Variants in TNFRSF11A observed in about 807,000 individuals in gnomAD.
The protein encoded by TNFRSF11A is tumor necrosis factor receptor superfamily member 11A.
In TNFRSF11A, 32 loss-of-function variants were observed where a neutral mutation model predicts 55.7. The observed-to-expected ratio is 0.57, with a 90% CI of 0.43 to 0.77. The LOEUF (loss-of-function observed/expected upper bound fraction) is 0.77. Among genes scored for constraint, TNFRSF11A ranks in the 30% least tolerant of loss-of-function variants. TNFRSF11A has a pLI of 0.00. For synonymous variants in TNFRSF11A, 311 were observed against 331.0 expected (o/e 0.94, Z 0.65); for missense variants, 753 against 809.8 (o/e 0.93, Z 0.85).
At chr18:62,366,041 C>T (rs1910063706) in intron 7 of TNFRSF11A, among the ~76,000 whole-genome samples, 2 of 152,182 alleles carry the variant, frequency 1.3e-5, no homozygotes, top group Non-Finnish European at 1.5e-5. Flanking sequence ...TAGTCATGAA[C>T]TCCTGACCTC....
In TNFRSF11A at chr18:62,379,951, C is replaced by G. The variant is rs554665502; in HGVS notation, c.1568-4800C>G. The stretch of plus-strand genomic sequence containing the variant: ...TGTCCAACTTATAAGATGTCACTTC[C>G]GAAAACGGTAGTGCTAGATTAGAGC... On this transcript the variant is annotated intron_variant, in intron 9 of 9. Coordinates refer to ENST00000586569, the MANE Select transcript of TNFRSF11A (RefSeq NM_003839.4). Among the ~76,000 whole-genome samples the G allele has an allele frequency of 2.6e-5, 4 of 152,166 alleles. No individual in the cohort carries two copies. In the South Asian group the frequency reaches 6.2e-4, roughly 24 times the overall value.
chr18:62,327,897 A>G (rs1011846244), intron 1 of TNFRSF11A, among the ~76,000 whole-genome samples: 1 of 152,248 alleles, frequency 6.6e-6, no homozygotes, highest in African/African-American at 2.4e-5. Context: ...CTATTTGCCT[A>G]CAGATAAAAA....
At chr18:62,375,133 C>T (rs1352904942) in intron 9 of TNFRSF11A, among the ~76,000 whole-genome samples, 1 of 150,178 alleles carries the variant, frequency 6.7e-6, no homozygotes, top group East Asian at 1.9e-4. Context: ...CCAGGCTAGT[C>T]TCGAACTCCT....
intron 9 of TNFRSF11A, among the ~76,000 whole-genome samples, chr18:62,382,475 A>G (rs1382410093): frequency 1.3e-5 from 2 of 152,196 alleles, no homozygotes; most frequent in Non-Finnish European, 2.9e-5. Flanking sequence ...TCAATGTGAA[A>G]TGAGAAATTA....
rs1222902070 is a variant in TNFRSF11A, at chr18:62,389,084, A to C, written c.*4050A>C. The C allele has an allele frequency of 6.6e-6, 1 of 152,326 alleles. No individual in the cohort carries two copies. The highest frequency in any genetic ancestry group is 1.5e-5 in the Non-Finnish European group (1 of 68,106). 9.4% of individuals were successfully genotyped at this position (152,326 alleles called of 1,614,324 possible). A position where few individuals can be genotyped will look rare whatever the true frequency, so the allele number is the denominator to read the frequency against. ...TTTTGGAAGAGGAGACAAAGCATTC[A>C]AAGCCCTAAACACTCTGTTGGTGAA... On this transcript the variant is annotated 3_prime_UTR_variant, in exon 10 of 10. Coordinates refer to ENST00000586569, the MANE Select transcript of TNFRSF11A (RefSeq NM_003839.4).
At position 62,359,954 on chromosome 18, in the gene TNFRSF11A, G is replaced by T. The variant is rs746348557; in HGVS notation, c.522-1G>T. 6.2e-7 allele frequency: 1 copy of T among 1,613,704 alleles called. No individual in the cohort carries two copies. Among genetic ancestry groups the T allele is most frequent in the Admixed American group, 1.7e-5 (1 of 60,014 alleles). ...GCACTGAACCACCTTTTCCCCCACA[G>T]CTGTACCTTCCTTGGAAAGAGAGTA... On this transcript the variant is annotated splice_acceptor_variant, in intron 5 of 9. Transcript: ENST00000586569. LOFTEE classifies it high-confidence loss of function.
rs745367315 is a variant in TNFRSF11A at position 62,368,737 on chromosome 18, G to A, written c.820G>A (p.Ala274Thr). Residue 274 changes from alanine (A) to threonine (T), a missense_variant, in exon 9 of 10, where the codon GCA (alanine) becomes ACA (threonine). Physicochemically the swap from Ala to Thr is moderately conservative, Grantham distance 58 (BLOSUM62 0). This residue lies in a region of TNFRSF11A where 567 missense variants were observed against 596.7 expected (regional missense o/e 0.95). Transcript: ENST00000586569. Reference sequence around the variant, plus strand: ...TGACAGTTGTGTCAGTACACACACGGCAAACTTTGGTCAGCAGGGAGCATG... The same window carrying A: ...TGACAGTTGTGTCAGTACACACACGACAAACTTTGGTCAGCAGGGAGCATG... ...SGDSCVSTHTANFGQQGACEG... is the reference protein window; with the variant it reads ...SGDSCVSTHTTNFGQQGACEG... 6.2e-7 allele frequency: 1 copy of A among 1,614,086 alleles called. No individual in the cohort carries two copies.
chr18:62,348,072 A>G (rs935935858), intron 1 of TNFRSF11A, 96 bp from the exon 2 acceptor site: 1 of 1,013,596 alleles, frequency 9.9e-7, no homozygotes, highest in Non-Finnish European at 1.5e-6. Flanking sequence ...AAAAAAAAAA[A>G]AAAAAAAGTA....
At chr18:62,380,299 T>C (rs1911181677) in intron 9 of TNFRSF11A, among the ~76,000 whole-genome samples, 1 of 152,238 alleles carries the variant, frequency 6.6e-6, no homozygotes, top group South Asian at 2.1e-4. Flanking sequence ...AGAGTCACCA[T>C]GCATGGATAG....
In TNFRSF11A at chr18:62,325,346, C is replaced by G. The variant is rs1414247948; in HGVS notation, c.-7C>G. 1.1e-5 allele frequency: 11 copies of G among 1,020,396 alleles called. No individual in the cohort carries two copies. In the Admixed American group the frequency reaches 5.0e-4, roughly 46 times the overall value. The allele number at this position is 1,020,396 out of a possible 1,614,324, so 63.2% of individuals were successfully genotyped here. ...AGGCCGCGGCGCCCGCCAGCCTGTC[C>G]CGCGCCATGGCCCCGCGCGCCCGGC... On this transcript the variant is annotated 5_prime_UTR_variant, in exon 1 of 10. Coordinates refer to ENST00000586569, the MANE Select transcript of TNFRSF11A (RefSeq NM_003839.4). This position sits in a 1 kb window ranked among gnomAD's most constrained non-coding sequence, Gnocchi z 4.7.
At chr18:62,343,893 G>A (rs766146555) in intron 1 of TNFRSF11A, among the ~76,000 whole-genome samples, 11 of 152,210 alleles carry the variant, frequency 7.2e-5, no homozygotes, top group Non-Finnish European at 1.2e-4. Context: ...ATACAGGTTA[G>A]TTGATATAGA....
intron 1 of TNFRSF11A, among the ~76,000 whole-genome samples, chr18:62,341,366 T>C (rs1173481390): frequency 6.6e-6 from 1 of 152,272 alleles, no homozygotes; most frequent in Non-Finnish European, 1.5e-5. Flanking sequence ...TACTCTGCTA[T>C]GCAGCTTTGG....
intron 5 of TNFRSF11A, among the ~76,000 whole-genome samples, chr18:62,359,098 A>G (rs1005895657): frequency 2.0e-5 from 3 of 151,960 alleles, no homozygotes; most frequent in African/African-American, 7.3e-5. Context: ...TTAAATGTTT[A>G]TTTTCTGCTG....
intron 1 of TNFRSF11A, among the ~76,000 whole-genome samples, chr18:62,341,835 G>GTTTTTTTT (rs1568475429): frequency 2.9e-5 from 2 of 68,852 alleles, no homozygotes. Flanking sequence ...GCTGAGAATG[G>GTTTTTTTT]CTTTTTTTTT....
At chr18:62,360,129 T>A (rs1463627989) in intron 6 of TNFRSF11A, 80 bp downstream of exon 6, 1 of 1,097,454 alleles carries the variant, frequency 9.1e-7, no homozygotes, top group Admixed American at 1.8e-5. Context: ...AGATGGCACG[T>A]GGATTTGCGG....
chr18:62,358,758 C>T (rs1383674676), intron 5 of TNFRSF11A, among the ~76,000 whole-genome samples: 2 of 152,048 alleles, frequency 1.3e-5, no homozygotes, highest in African/African-American at 2.4e-5. Flanking sequence ...CTGTCAACAT[C>T]GTGGGGTTTT....
intron 9 of TNFRSF11A, among the ~76,000 whole-genome samples, chr18:62,375,841 T>A (rs766591379): frequency 4.0e-5 from 6 of 151,814 alleles, no homozygotes; most frequent in Admixed American, 6.6e-5. Context: ...TACAAAAATT[T>A]AAAAAAAATT....
chr18:62,357,149 C>T (rs1176845651), intron 4 of TNFRSF11A, among the ~76,000 whole-genome samples: 4 of 152,226 alleles, frequency 2.6e-5, no homozygotes, highest in Non-Finnish European at 5.9e-5. Context: ...ATACTTCATA[C>T]TTGACTCTGG....
At position 62,325,484 on chromosome 18, in the gene TNFRSF11A, G is replaced by C; in HGVS notation, c.75+57G>C. On this transcript the variant is annotated intron_variant, in intron 1 of 9. Coordinates refer to ENST00000586569, the MANE Select transcript of TNFRSF11A (RefSeq NM_003839.4). This position sits in a 1 kb window ranked among gnomAD's most constrained non-coding sequence, Gnocchi z 4.7. ...GGCCCGACGCCTCCTCGGGAGCCCC[G>C]GGAAGGGCCGGGGCCGGCGGCATCC... is the stretch of plus-strand genomic sequence containing the variant. The C allele has an allele frequency of 1.8e-6, 2 of 1,109,776 alleles. No individual in the cohort carries two copies. Among genetic ancestry groups the C allele is most frequent in the Non-Finnish European group, 2.3e-6 (2 of 888,832 alleles). 68.7% of individuals were successfully genotyped at this position (1,109,776 alleles called of 1,614,324 possible). A position where few individuals can be genotyped will look rare whatever the true frequency, so the allele number is the denominator to read the frequency against.
Sources: gnomAD v4.1 joint callset for allele counts (sites outside exome capture counted in the v4.1 genomes callset) on GRCh38, gnomAD v4.1.1 for gene constraint, gnomAD v4.1.1 regional missense constraint, Gnocchi (gnomAD v3.1) non-coding constraint, MANE v1.5 for transcripts, NCBI Gene and HGNC (gene_info 2026-07-23, HGNC 2026-07-21) for gene names.